Variants in EDRF1 observed in about 807,000 individuals in gnomAD.
EDRF1 encodes the protein erythroid differentiation regulatory factor 1.
A neutral mutation model predicts 148.7 loss-of-function variants in EDRF1; 69 were observed. The ratio of observed to expected loss-of-function variants is 0.46; its 90% confidence interval spans 0.38 to 0.57. EDRF1 has a LOEUF of 0.57. Among genes scored for constraint, EDRF1 ranks in the 20% least tolerant of loss-of-function variants. EDRF1 has a pLI of 0.00. For synonymous variants in EDRF1, 515 were observed against 532.8 expected (o/e 0.97, Z 0.46); for missense variants, 1,118 against 1,478.7 (o/e 0.76, Z 4.00).
chr10:125,719,712 C>A lies in EDRF1; in HGVS notation c.-96C>A, dbSNP rs1847877010. On this transcript the variant is annotated 5_prime_UTR_variant, in exon 1 of 25. Coordinates refer to ENST00000356792, the MANE Select transcript of EDRF1 (RefSeq NM_001202438.2). ...TCCTGGCAGAGACCGGAAGTGCGGT[C>A]CGCGGAGCGTCTCTGGCGCTTACCC... The A allele has an allele frequency of 6.8e-6, 6 of 886,702 alleles. No individual in the cohort carries two copies. Among genetic ancestry groups the A allele is most frequent in the Non-Finnish European group, 8.5e-6 (5 of 588,628 alleles). 54.9% of individuals were successfully genotyped at this position (886,702 alleles called of 1,614,324 possible).
chr10:125,746,079 C>A, intron 19 of EDRF1, 149 bp downstream of exon 19: 1 of 725,950 alleles, frequency 1.4e-6, no homozygotes, highest in Non-Finnish European at 2.4e-6. Context: ...ACACTTGCAA[C>A]CTGGCCTAAG....
intron 22 of EDRF1, among the ~76,000 whole-genome samples, chr10:125,751,158 C>G (rs1269181396): frequency 1.3e-5 from 2 of 152,118 alleles, no homozygotes; most frequent in Non-Finnish European, 2.9e-5. Context: ...AGGCTGGACT[C>G]AAACTCTTGA....
At position 125,741,076 on chromosome 10, in the gene EDRF1, G is replaced by A. The variant is rs1196983429; in HGVS notation, c.2246G>A (p.Gly749Asp). The A allele has an allele frequency of 6.2e-7, 1 of 1,614,056 alleles. No homozygotes were observed. Among genetic ancestry groups the A allele is most frequent in the Admixed American group, 1.7e-5 (1 of 60,006 alleles). ...LFLSQYLTLCGDIQLMLAQNA... is the reference protein window; with the variant it reads ...LFLSQYLTLCDDIQLMLAQNA... ...CTCTCTCAATATTTGACACTTTGTG[G>A]TGATATCCAACTAATGCTGGCCCAG... The change falls in exon 17 of 25, where the codon GGT becomes GAT. Residue 749 changes from glycine (G) to aspartate (D), a missense_variant. By Grantham distance (94) the Gly-to-Asp change is moderately conservative. Transcript: ENST00000356792.
intron 13 of EDRF1, among the ~76,000 whole-genome samples, chr10:125,736,379 C>T (rs563526785): frequency 9.2e-5 from 14 of 152,184 alleles, no homozygotes; most frequent in African/African-American, 3.4e-4. Flanking sequence ...TTGTATTGGA[C>T]ATGTCTCTGC....
chr10:125,735,573 T>C lies in EDRF1; in HGVS notation c.1498-71T>C, dbSNP rs374143492. ...TGTGCAGACCTCCTCCTAAAATTCG[T>C]TAGTATGGTAGTAAAATTCATGTAT... On this transcript the variant is annotated intron_variant, in intron 12 of 24. Coordinates refer to ENST00000356792, the MANE Select transcript of EDRF1 (RefSeq NM_001202438.2). 50 of 1,506,644 alleles carry C rather than the reference T, an allele frequency of 3.3e-5. 1 individual carries two copies. The highest frequency in any genetic ancestry group is 2.0e-4 in the East Asian group (9 of 44,006). 93.3% of individuals were successfully genotyped at this position (1,506,644 alleles called of 1,614,324 possible).
At chr10:125,724,353 G>A (rs1399716580) in intron 4 of EDRF1, among the ~76,000 whole-genome samples, 1 of 152,132 alleles carries the variant, frequency 6.6e-6, no homozygotes, top group Non-Finnish European at 1.5e-5. Context: ...CCATAATGAC[G>A]TTTCAGTCAG....
At position 125,753,711 on chromosome 10, in the gene EDRF1, C is replaced by T. The variant is rs773180442; in HGVS notation, c.3411C>T (p.Ala1137=). Residue 1137 remains alanine, a synonymous_variant, in exon 24 of 25, where the codon GCC becomes GCT. Transcript: ENST00000356792. ...EEFGQPKSGD[A]AAAADASPSL... The stretch of plus-strand genomic sequence containing the variant: ...GTTTTTAGCCTAAGAGTGGTGACGC[C>T]GCTGCAGCTGCTGATGCTTCTCCTA... 54 of 1,613,654 alleles carry T rather than the reference C, an allele frequency of 3.3e-5. No individual in the cohort carries two copies. The highest frequency in any genetic ancestry group is 2.9e-4 in the East Asian group (13 of 44,864).
chr10:125,721,998 A>C (rs573520162), intron 2 of EDRF1, among the ~76,000 whole-genome samples: 1 of 152,358 alleles, frequency 6.6e-6, no homozygotes, highest in South Asian at 2.1e-4. Context: ...CCTTCTCAGC[A>C]ACTCAATCTA....
At chr10:125,751,801 G>C (rs758474949) in intron 22 of EDRF1, 3 of 152,168 alleles carry the variant, frequency 2.0e-5, no homozygotes, top group Non-Finnish European at 2.9e-5. Context: ...AACAATGAAA[G>C]GATGTACATT....
chr10:125,739,514 GCA>G (rs1417316454), intron 15 of EDRF1, among the ~76,000 whole-genome samples: 5 of 152,212 alleles, frequency 3.3e-5, no homozygotes, highest in African/African-American at 9.6e-5. Flanking sequence ...ACACACACAT[GCA>G]CACACACGGT....
intron 24 of EDRF1, among the ~76,000 whole-genome samples, chr10:125,758,489 CT>C (rs1211422916): frequency 3.9e-5 from 6 of 152,124 alleles, no homozygotes; most frequent in African/African-American, 1.4e-4. Flanking sequence ...TACTTTCCCC[CT>C]GCTACGGCTT....
chr10:125,725,982 T>G, intron 6 of EDRF1, 144 bp downstream of exon 6: 1 of 942,830 alleles, frequency 1.1e-6, no homozygotes, highest in Non-Finnish European at 1.6e-6. Flanking sequence ...TTCTGTCAAT[T>G]TATGGAATTG....
At chr10:125,731,892 G>C (rs1203025570) in intron 9 of EDRF1, 4 of 453,296 alleles carry the variant, frequency 8.8e-6, no homozygotes, top group Non-Finnish European at 1.8e-5. Flanking sequence ...ATTCCTATTT[G>C]ATGGAAAGAG....
In EDRF1 at chr10:125,735,686, T is replaced by C. The variant is rs749881135; in HGVS notation, c.1540T>C (p.Leu514=). The change falls in exon 13 of 25, where the codon TTG becomes CTG. Residue 514 remains leucine, a synonymous_variant. Transcript: ENST00000356792. ...TTACATGCTTTCAGAACTTTTTCAA[T>C]TGGATGAACCTAAAAAGGAAGAAAA... ...ANYMLSELFQ[L]DEPKKEENSE... The C allele has an allele frequency of 7.4e-6, 12 of 1,613,316 alleles. No individual in the cohort carries two copies. The highest frequency in any genetic ancestry group is 3.3e-5 in the South Asian group (3 of 91,062).
chr10:125,743,229 G>A lies in EDRF1; in HGVS notation c.2543G>A (p.Gly848Asp). 6 of 1,613,892 alleles carry A rather than the reference G, an allele frequency of 3.7e-6. No individual in the cohort carries two copies. Among genetic ancestry groups the A allele is most frequent in the Non-Finnish European group, 5.1e-6 (6 of 1,179,920 alleles). The stretch of plus-strand genomic sequence containing the variant: ...ATGGGTAACATTAGAAATGAAATTG[G>A]TGTGTTTTACATGAATCAGGCTGCT... ...KRMGNIRNEI[G>D]VFYMNQAAAL... The change falls in exon 18 of 25, where the codon GGT (glycine) becomes GAT (aspartate). Residue 848 changes from glycine (G) to aspartate (D), a missense_variant. Around this residue, in one of 3 missense-constraint regions of EDRF1, gnomAD observed 954 missense variants for 1,241.4 expected, o/e 0.77. Coordinates refer to ENST00000356792, the MANE Select transcript of EDRF1 (RefSeq NM_001202438.2).
chr10:125,745,530 C>G (rs1029943817), intron 18 of EDRF1, 177 bp from the exon 19 acceptor site: 1 of 651,898 alleles, frequency 1.5e-6, no homozygotes, highest in Admixed American at 2.4e-5. Flanking sequence ...CTCATATGGA[C>G]ACGTTTACCT....
intron 13 of EDRF1, among the ~76,000 whole-genome samples, chr10:125,737,438 G>T (rs1848797324): frequency 6.6e-6 from 1 of 152,172 alleles, no homozygotes; most frequent in Admixed American, 6.6e-5. Flanking sequence ...AACTGTCTGT[G>T]CATGCTTCTC....
chr10:125,731,027 G>T (rs890655626), intron 9 of EDRF1, among the ~76,000 whole-genome samples: 3 of 152,102 alleles, frequency 2.0e-5, no homozygotes, highest in Non-Finnish European at 4.4e-5. Flanking sequence ...CATGTCTGTA[G>T]TCCCAGCTAC....
rs144421923 is a variant in EDRF1 at position 125,749,858 on chromosome 10, C to T, written c.3277+293C>T. 28 of 380,096 alleles carry T rather than the reference C, an allele frequency of 7.4e-5. No individual in the cohort carries two copies. The East Asian group carries it at 1.1e-3, about 15-fold the overall frequency. 23.5% of individuals were successfully genotyped at this position (380,096 alleles called of 1,614,324 possible). On this transcript the variant is annotated intron_variant, in intron 22 of 24. Transcript: ENST00000356792. ...AATTTAGACAGTTAAAGAATTCAAT[C>T]GGCCAGGCACAGTGGCTCACGCCTG... is the stretch of plus-strand genomic sequence containing the variant.
Sources: allele counts gnomAD v4.1 joint callset (sites outside exome capture counted in the v4.1 genomes callset), GRCh38; gene constraint gnomAD v4.1.1; regional missense constraint gnomAD v4.1.1; transcripts MANE v1.5; gene names NCBI Gene and HGNC (gene_info 2026-07-23, HGNC 2026-07-21).